RAB27B: variants seen among roughly 807,000 people sequenced by gnomAD.
RAB27B encodes the protein RAB27B, member RAS oncogene family, also known as ras-related protein Rab-27B.
In RAB27B, 15 loss-of-function variants were observed where a neutral mutation model predicts 24.6. The ratio of observed to expected loss-of-function variants is 0.61; its 90% CI spans 0.41 to 0.94. RAB27B has a LOEUF of 0.94. Ranked by LOEUF, RAB27B falls within the 40% of genes least tolerant of loss-of-function variation. The pLI is 0.00. For missense variants in RAB27B, 261 were observed against 266.8 expected (o/e 0.98, Z 0.15); for synonymous variants, 105 against 92.5 (o/e 1.14, Z -0.78).
At chr18:54,815,501 G>A (rs1910094139) in intron 2 of RAB27B, among the ~76,000 whole-genome samples, 1 of 152,112 alleles carries the variant, frequency 6.6e-6, no homozygotes, top group Non-Finnish European at 1.5e-5. Flanking sequence ...AAATCCCTCT[G>A]CCTCTGGACT....
intron 2 of RAB27B, among the ~76,000 whole-genome samples, chr18:54,745,840 A>G (rs1179582011): frequency 6.8e-6 from 1 of 146,488 alleles, no homozygotes; most frequent in Non-Finnish European, 1.5e-5. Context: ...ATTATATTAT[A>G]TATTATTATT....
intron 3 of RAB27B, chr18:54,879,664 C>T: frequency 8.2e-6 from 4 of 487,370 alleles, no homozygotes; most frequent in Non-Finnish European, 1.5e-5. Context: ...AAAAATCAGA[C>T]TTTCAAAAAT....
intron 1 of RAB27B, among the ~76,000 whole-genome samples, chr18:54,834,621 C>T (rs1337797424): frequency 1.3e-5 from 2 of 151,648 alleles, no homozygotes; most frequent in Admixed American, 6.6e-5. Context: ...GATAGATAAC[C>T]TTAGATCTAC....
At chr18:54,856,537 G>A (rs1911791582) in intron 1 of RAB27B, among the ~76,000 whole-genome samples, 1 of 152,212 alleles carries the variant, frequency 6.6e-6, no homozygotes, top group Non-Finnish European at 1.5e-5. Context: ...AAAACTGGGA[G>A]CATGGAGACA....
chr18:54,848,656 AT>A (rs2099059940), intron 1 of RAB27B, among the ~76,000 whole-genome samples: 1 of 152,366 alleles, frequency 6.6e-6, no homozygotes, highest in Admixed American at 6.5e-5. Context: ...TGAAAATAAC[AT>A]GATTTTAATG....
chr18:54,865,354 C>T (rs1021905240), intron 1 of RAB27B, among the ~76,000 whole-genome samples: 1 of 149,472 alleles, frequency 6.7e-6, no homozygotes, highest in Non-Finnish European at 1.5e-5. Flanking sequence ...TTAGTTGGTA[C>T]CTAAGAATTG....
At chr18:54,720,201 A>G (rs1909314412) in intron 2 of RAB27B, among the ~76,000 whole-genome samples, 1 of 152,146 alleles carries the variant, frequency 6.6e-6, no homozygotes, top group Non-Finnish European at 1.5e-5. Context: ...AAAGGCTAAA[A>G]TGAATTTGTT....
At chr18:54,783,002 GGCTGGAGT>G (rs1183664543) in intron 2 of RAB27B, among the ~76,000 whole-genome samples, 6 of 151,708 alleles carry the variant, frequency 4.0e-5, no homozygotes, top group Admixed American at 3.9e-4. Flanking sequence ...CTGTCACCCA[GGCTGGAGT>G]GCAGTGGTGT....
At chr18:54,829,994 A>G (rs1910613778) in intron 1 of RAB27B, among the ~76,000 whole-genome samples, 1 of 152,208 alleles carries the variant, frequency 6.6e-6, no homozygotes, top group Non-Finnish European at 1.5e-5. Context: ...CCTCTCATAC[A>G]GTGTTACTGT....
chr18:54,844,408 C>CTTTTTTTTTTTTTTTTT (rs148747981), intron 1 of RAB27B, among the ~76,000 whole-genome samples: 37 of 107,878 alleles, frequency 3.4e-4, no homozygotes, highest in Non-Finnish European at 4.0e-4. Context: ...CTTTTCTTTT[C>CTTTTTTTTTTTTTTTTT]TTTTTTTTTT....
chr18:54,759,906 G>C (rs1908128769), intron 2 of RAB27B, among the ~76,000 whole-genome samples: 1 of 152,098 alleles, frequency 6.6e-6, no homozygotes, highest in Non-Finnish European at 1.5e-5. Flanking sequence ...ATACCACTGA[G>C]AGCCACTTTC....
intron 1 of RAB27B, among the ~76,000 whole-genome samples, chr18:54,847,152 T>C (rs1353489411): frequency 6.6e-6 from 1 of 152,162 alleles, no homozygotes; most frequent in Non-Finnish European, 1.5e-5. Context: ...TGCCCGGCCA[T>C]GACTGCTTTT....
intron 2 of RAB27B, among the ~76,000 whole-genome samples, chr18:54,730,804 C>A (rs1454150475): frequency 6.6e-6 from 1 of 152,150 alleles, no homozygotes; most frequent in Non-Finnish European, 1.5e-5. Context: ...TCCTACACAA[C>A]CATGAGTCAA....
intron 2 of RAB27B, among the ~76,000 whole-genome samples, chr18:54,812,823 G>A (rs1272142010): frequency 6.6e-6 from 1 of 152,064 alleles, no homozygotes; most frequent in African/African-American, 2.4e-5. Flanking sequence ...ACATATATAT[G>A]TATATGTACA....
chr18:54,831,570 G>A (rs1833281), intron 1 of RAB27B, among the ~76,000 whole-genome samples: 2 of 152,084 alleles, frequency 1.3e-5, no homozygotes, highest in Admixed American at 6.6e-5. Context: ...GATAACAGAT[G>A]TTAGTGAGAT....
intron 2 of RAB27B, among the ~76,000 whole-genome samples, chr18:54,759,639 G>C (rs1272080638): frequency 6.6e-6 from 1 of 152,186 alleles, no homozygotes; most frequent in African/African-American, 2.4e-5. Context: ...GTGCATTCCT[G>C]TTTTCCCATT....
chr18:54,771,969 A>G (rs975105505), intron 2 of RAB27B, among the ~76,000 whole-genome samples: 19 of 152,222 alleles, frequency 1.2e-4, no homozygotes, highest in African/African-American at 4.1e-4. Context: ...AATGGAATAA[A>G]GAGTTTCACA....
intron 2 of RAB27B, among the ~76,000 whole-genome samples, chr18:54,736,852 G>A (rs951297003): frequency 5.3e-5 from 8 of 152,124 alleles, no homozygotes; most frequent in South Asian, 2.1e-4. Flanking sequence ...CTGGAGTGTC[G>A]TATGTAATGG....
intron 2 of RAB27B, among the ~76,000 whole-genome samples, chr18:54,742,402 G>C (rs1471475022): frequency 6.6e-6 from 1 of 152,174 alleles, no homozygotes; most frequent in African/African-American, 2.4e-5. Flanking sequence ...AAACCTAAAA[G>C]TACATGTACA....
Sources: allele counts gnomAD v4.1 joint callset (sites outside exome capture counted in the v4.1 genomes callset), GRCh38; gene constraint gnomAD v4.1.1; transcripts MANE v1.5; gene names NCBI Gene and HGNC (gene_info 2026-07-23, HGNC 2026-07-21).